IQGAP1: variants seen among roughly 807,000 people sequenced by gnomAD.
IQGAP1 encodes the protein ras GTPase-activating-like protein IQGAP1.
IQGAP1 carries 66 observed loss-of-function variants against 215.6 expected under a neutral mutation model. That is an observed-to-expected ratio of 0.31 (90% CI 0.25 to 0.38). The LOEUF (loss-of-function observed/expected upper bound fraction) is 0.38. Ranked by LOEUF, IQGAP1 falls within the 10% of genes least tolerant of loss-of-function variation. The probability of loss-of-function intolerance (pLI) is 1.00; values close to 1 mark genes in which losing one functional copy is unlikely to be tolerated. For synonymous variants in IQGAP1, 772 were observed against 728.7 expected (o/e 1.06, Z -0.96); for missense variants, 1,712 against 1,997.1 (o/e 0.86, Z 2.72).
chr15:90,414,553 T>C (rs1462659056), intron 2 of IQGAP1, among the ~76,000 whole-genome samples: 1 of 152,162 alleles, frequency 6.6e-6, no homozygotes, highest in African/African-American at 2.4e-5. Flanking sequence ...TCTACCAGTT[T>C]GCTGATTTTT....
chr15:90,461,388 A>T (rs868634148), intron 15 of IQGAP1, among the ~76,000 whole-genome samples: 3 of 152,216 alleles, frequency 2.0e-5, no homozygotes, highest in South Asian at 4.1e-4. Context: ...GGATTTTCAG[A>T]GGTCTTTACC....
chr15:90,392,656 C>T (rs2151693393), intron 2 of IQGAP1, among the ~76,000 whole-genome samples: 1 of 152,184 alleles, frequency 6.6e-6, no homozygotes, highest in East Asian at 1.9e-4. Flanking sequence ...AGTTCAACTG[C>T]TAATCTAGTT....
rs3216331 is a variant in IQGAP1, at chr15:90,429,574, CT to C, written c.313-5del. The C allele has an allele frequency of 1.0e-3, 1,397 of 1,366,834 alleles. No homozygotes were observed. Among genetic ancestry groups the C allele is most frequent in the South Asian group, 1.8e-3 (131 of 71,630 alleles). 84.7% of individuals were successfully genotyped at this position (1,366,834 alleles called of 1,614,324 possible). A position where few individuals can be genotyped will look rare whatever the true frequency, so the allele number is the denominator to read the frequency against. ...AATACAGCCAATAATACCTAATTTT[CT>C]TTTTTTTTTCTAGGCGACTGGCCTC... On this transcript the variant is annotated splice_polypyrimidine_tract_variant and intron_variant, in intron 3 of 37. Transcript: ENST00000268182.
intron 34 of IQGAP1, 74 bp downstream of exon 34, chr15:90,491,619 C>T (rs1966206058): frequency 8.7e-7 from 1 of 1,152,838 alleles, no homozygotes; most frequent in Admixed American, 2.0e-5. Context: ...TAGCTGTTCA[C>T]ATAACAGCAT....
At chr15:90,452,441 C>T (rs1965615901) in intron 11 of IQGAP1, among the ~76,000 whole-genome samples, 1 of 152,098 alleles carries the variant, frequency 6.6e-6, no homozygotes, top group African/African-American at 2.4e-5. Flanking sequence ...TGAATGGTAG[C>T]TTAAGAAGCC....
intron 37 of IQGAP1, among the ~76,000 whole-genome samples, chr15:90,498,029 C>G (rs1966294477): frequency 6.6e-6 from 1 of 152,018 alleles, no homozygotes; most frequent in Non-Finnish European, 1.5e-5. Context: ...TGGGCTTCTG[C>G]TCATGCTGCC....
intron 2 of IQGAP1, among the ~76,000 whole-genome samples, chr15:90,413,353 A>G (rs1417119756): frequency 6.6e-6 from 1 of 152,216 alleles, no homozygotes; most frequent in South Asian, 2.1e-4. Context: ...GAATTTACTG[A>G]CAGCAGTATA....
At chr15:90,492,742 G>A (rs760399406) in intron 35 of IQGAP1, 31 bp downstream of exon 35, 2 of 1,580,818 alleles carry the variant, frequency 1.3e-6, no homozygotes, top group African/African-American at 1.4e-5. Flanking sequence ...AAGAATCAAT[G>A]TCAGAATTAG....
chr15:90,460,455 T>C (rs888420768), intron 15 of IQGAP1, among the ~76,000 whole-genome samples: 2 of 152,206 alleles, frequency 1.3e-5, no homozygotes, highest in South Asian at 4.1e-4. Context: ...CAATTGCTTT[T>C]GGAGAAAAGG....
At chr15:90,421,426 A>T (rs1443245862) in intron 2 of IQGAP1, among the ~76,000 whole-genome samples, 1 of 151,702 alleles carries the variant, frequency 6.6e-6, no homozygotes, top group Non-Finnish European at 1.5e-5. Context: ...CAGTGAGCTG[A>T]CATCATGCCA....
intron 18 of IQGAP1, among the ~76,000 whole-genome samples, chr15:90,471,930 C>G (rs990369518): frequency 1.3e-5 from 2 of 152,040 alleles, no homozygotes; most frequent in Admixed American, 1.3e-4. Context: ...CTTACTGCTG[C>G]TGCCCTTGTT....
At chr15:90,441,732 C>T in intron 8 of IQGAP1, 48 bp downstream of exon 8, 2 of 1,296,200 alleles carry the variant, frequency 1.5e-6, no homozygotes, top group South Asian at 2.6e-5. Context: ...ATTATTCCGT[C>T]ATTTGATATG....
rs1965825547 is a variant in IQGAP1 at position 90,465,996 on chromosome 15, T to C, written c.1777-5T>C. The C allele has an allele frequency of 1.2e-6, 2 of 1,612,516 alleles. No homozygotes were observed. Among genetic ancestry groups the C allele is most frequent in the Non-Finnish European group, 1.7e-6 (2 of 1,178,542 alleles). On this transcript the variant is annotated splice_region_variant and splice_polypyrimidine_tract_variant and intron_variant, in intron 15 of 37. Transcript: ENST00000268182. ...CTTTAATATTTTGCTTTTAATGATA[T>C]GTAGGAAATCCAGGATGAGTCAGCT...
intron 4 of IQGAP1, chr15:90,431,195 A>C (rs185537871): frequency 6.6e-6 from 1 of 152,054 alleles, no homozygotes; most frequent in Non-Finnish European, 1.5e-5. Flanking sequence ...TTTGCAGAAG[A>C]CTAGCTTTTC....
At chr15:90,463,739 G>A (rs561601796) in intron 15 of IQGAP1, among the ~76,000 whole-genome samples, 1 of 152,246 alleles carries the variant, frequency 6.6e-6, no homozygotes. Flanking sequence ...TTAAAATTGG[G>A]ACAGTGCCTC....
At chr15:90,448,467 GT>G in intron 9 of IQGAP1, 105 bp from the exon 10 acceptor site, 1 of 1,024,476 alleles carries the variant, frequency 9.8e-7, no homozygotes, top group African/African-American at 1.6e-5. Flanking sequence ...GGCTCTCTGA[GT>G]TATATTTCCT....
intron 26 of IQGAP1, among the ~76,000 whole-genome samples, chr15:90,479,280 T>G (rs1966023032): frequency 2.0e-5 from 3 of 152,210 alleles, no homozygotes; most frequent in South Asian, 4.1e-4. Context: ...TTGATTTACA[T>G]TCTGACTCAT....
chr15:90,426,711 T>TTGGGAGG (rs991448196), intron 3 of IQGAP1, among the ~76,000 whole-genome samples: 1 of 151,988 alleles, frequency 6.6e-6, no homozygotes, highest in African/African-American at 2.4e-5. Flanking sequence ...TCCCAGTACT[T>TTGGGAGG]TGGGAGGCTG....
chr15:90,422,955 A>G (rs1965168948), intron 2 of IQGAP1, among the ~76,000 whole-genome samples: 1 of 152,006 alleles, frequency 6.6e-6, no homozygotes, highest in South Asian at 2.1e-4. Context: ...TTGGCCTCCC[A>G]AAGTGCTGGG....
Sources: allele counts gnomAD v4.1 joint callset (sites outside exome capture counted in the v4.1 genomes callset), GRCh38; gene constraint gnomAD v4.1.1; transcripts MANE v1.5; gene names NCBI Gene and HGNC (gene_info 2026-07-23, HGNC 2026-07-21).